WWP1: variants seen among roughly 807,000 people sequenced by gnomAD.
The protein encoded by WWP1 is WW domain containing E3 ubiquitin protein ligase 1.
A neutral mutation model predicts 130.6 loss-of-function variants in WWP1; 49 were observed. The ratio of observed to expected loss-of-function variants is 0.38; its 90% CI spans 0.30 to 0.48. The LOEUF is 0.48. Ranked by LOEUF, WWP1 falls within the 20% of genes least tolerant of loss-of-function variation. The pLI, the probability that WWP1 is intolerant of heterozygous loss-of-function variation, is 0.99. For synonymous variants in WWP1, 332 were observed against 367.8 expected, an observed-to-expected ratio of 0.90 and a Z score of 1.11; for missense variants, 809 against 1,100.6, an observed-to-expected ratio of 0.74 and a Z score of 3.75.
chr8:86,420,148 AG>A, intron 9 of WWP1, among the ~76,000 whole-genome samples: 1 of 152,314 alleles, frequency 6.6e-6, no homozygotes, highest in East Asian at 1.9e-4. Context: ...AGGGTCTGCT[AG>A]GAGAGGAGTG....
chr8:86,343,913 C>T (rs116014887), intron 1 of WWP1, among the ~76,000 whole-genome samples: 413 of 151,478 alleles, frequency 2.7e-3, no homozygotes, highest in African/African-American at 9.2e-3. Context: ...TCTTTGTTTT[C>T]CCCGTTTGGT....
intron 8 of WWP1, among the ~76,000 whole-genome samples, chr8:86,408,787 A>G (rs1028065557): frequency 1.3e-5 from 2 of 152,036 alleles, no homozygotes; most frequent in African/African-American, 4.8e-5. Flanking sequence ...ACGCATGCCT[A>G]TAATCCCTGC....
chr8:86,384,684 G>A (rs1327278591), intron 5 of WWP1, among the ~76,000 whole-genome samples: 2 of 152,086 alleles, frequency 1.3e-5, no homozygotes, highest in African/African-American at 2.4e-5. Context: ...AAATTTTGGG[G>A]TTATTGTATA....
chr8:86,396,458 G>GT (rs1180679615), intron 5 of WWP1, among the ~76,000 whole-genome samples: 1 of 150,904 alleles, frequency 6.6e-6, no homozygotes, highest in Non-Finnish European at 1.5e-5. Flanking sequence ...CTAGTTGTTT[G>GT]TTTTTTGTTT....
intron 21 of WWP1, among the ~76,000 whole-genome samples, chr8:86,453,174 C>T (rs1347015587): frequency 6.6e-6 from 1 of 152,094 alleles, no homozygotes; most frequent in Non-Finnish European, 1.5e-5. Flanking sequence ...AAAACTGAAA[C>T]TCTATGTCCA....
At chr8:86,418,680 C>T (rs1282423217) in intron 9 of WWP1, among the ~76,000 whole-genome samples, 2 of 152,220 alleles carry the variant, frequency 1.3e-5, no homozygotes, top group Non-Finnish European at 2.9e-5. Context: ...AACTTCTGCT[C>T]TGCCTAGGGG....
chr8:86,400,911 C>T (rs982697357), intron 7 of WWP1, among the ~76,000 whole-genome samples: 1 of 152,040 alleles, frequency 6.6e-6, no homozygotes, highest in African/African-American at 2.4e-5. Flanking sequence ...AAACAATGCT[C>T]AGGCTGCTCT....
intron 1 of WWP1, among the ~76,000 whole-genome samples, chr8:86,362,306 G>T (rs941932001): frequency 6.8e-6 from 1 of 147,934 alleles, no homozygotes; most frequent in Non-Finnish European, 1.5e-5. Flanking sequence ...ATACTAGAAA[G>T]ATTAAATTAG....
chr8:86,360,347 C>T (rs1823520497), intron 1 of WWP1, among the ~76,000 whole-genome samples: 1 of 152,174 alleles, frequency 6.6e-6, no homozygotes, highest in African/African-American at 2.4e-5. Context: ...AAACAATTTG[C>T]TCTTTTTACT....
At chr8:86,360,461 GT>G (rs1438310699) in intron 1 of WWP1, among the ~76,000 whole-genome samples, 2 of 152,120 alleles carry the variant, frequency 1.3e-5, no homozygotes, top group African/African-American at 4.8e-5. Context: ...CCTGCCTGCT[GT>G]CCAGACTGTT....
At chr8:86,418,336 G>T (rs950507356) in intron 9 of WWP1, among the ~76,000 whole-genome samples, 2 of 152,108 alleles carry the variant, frequency 1.3e-5, no homozygotes, top group South Asian at 4.1e-4. Context: ...GCGTTTCCTT[G>T]TGTATTATTT....
chr8:86,430,096 G>T (rs2130669081), intron 11 of WWP1, among the ~76,000 whole-genome samples: 1 of 152,178 alleles, frequency 6.6e-6, no homozygotes, highest in East Asian at 1.9e-4. Flanking sequence ...CTACTCGGTT[G>T]TTGCTGAGGT....
At chr8:86,415,063 T>C (rs559977405) in intron 9 of WWP1, among the ~76,000 whole-genome samples, 4 of 152,264 alleles carry the variant, frequency 2.6e-5, no homozygotes, top group South Asian at 2.1e-4. Flanking sequence ...GAGGCAGTTA[T>C]ATGTACAGTT....
At chr8:86,400,475 C>T (rs768606158) in intron 7 of WWP1, among the ~76,000 whole-genome samples, 4 of 151,926 alleles carry the variant, frequency 2.6e-5, no homozygotes, top group Non-Finnish European at 5.9e-5. Flanking sequence ...AAAAGAGATG[C>T]CAAGGAATCA....
At position 86,442,641 on chromosome 8, in the gene WWP1, C is replaced by T; in HGVS notation, c.1861C>T (p.His621Tyr). The T allele has an allele frequency of 6.2e-7, 1 of 1,600,216 alleles. No homozygotes were observed. Among genetic ancestry groups the T allele is most frequent in the Non-Finnish European group, 8.5e-7 (1 of 1,175,512 alleles). ...LAREWFFLLS[H>Y]EVLNPMYCLF... is the part of the protein sequence containing the mutation. ...TAGAGAATGGTTTTTCTTGCTTTCA[C>T]ATGAAGTTTTGAACCCAATGTATTG... The change falls in exon 18 of 25, where the codon CAT (histidine) becomes TAT (tyrosine). Residue 621 changes from histidine (H) to tyrosine (Y), a missense_variant. Transcript: ENST00000517970.
Position 86,398,446 on chromosome 8 carries a change from G to A in WWP1, c.439G>A (p.Glu147Lys), listed in dbSNP as rs549127870. 6.2e-7 allele frequency: 1 copy of A among 1,612,844 alleles called. No individual in the cohort carries two copies. The highest frequency in any genetic ancestry group is 1.7e-5 in the Admixed American group (1 of 59,974). Reference protein sequence around the residue: ...VVLDGLVIEQENITNCSSSPT... With the variant: ...VVLDGLVIEQKNITNCSSSPT... ...GCTTGATGGATTGGTGATTGAGCAAGAAAATATAACAAACTGCAGCTCATC... is the reference window on the plus strand; with the variant it reads ...GCTTGATGGATTGGTGATTGAGCAAAAAAATATAACAAACTGCAGCTCATC... The change falls in exon 6 of 25, where the codon GAA (glutamate) becomes AAA (lysine). Residue 147 changes from glutamate (E) to lysine (K), a missense_variant. Transcript: ENST00000517970.
chr8:86,354,022 T>C lies in WWP1; in HGVS notation c.-115+11092T>C, dbSNP rs570341660. ...GTGATTTAATTTTTCCATTAACGTATTGGCTATTTAGAGCTCGGGCCTTAA... is the reference window on the plus strand; with the variant it reads ...GTGATTTAATTTTTCCATTAACGTACTGGCTATTTAGAGCTCGGGCCTTAA... On this transcript the variant is annotated intron_variant, in intron 1 of 24. Transcript: ENST00000517970. Among the ~76,000 whole-genome samples the C allele has an allele frequency of 2.0e-5, 3 of 152,348 alleles. No individual in the cohort carries two copies. The South Asian group carries it at 6.2e-4, about 32-fold the overall frequency.
At chr8:86,407,118 T>C (rs535031924) in intron 8 of WWP1, among the ~76,000 whole-genome samples, 73 of 152,306 alleles carry the variant, frequency 4.8e-4, no homozygotes, top group Non-Finnish European at 7.9e-4. Flanking sequence ...TGTGGTCTTA[T>C]GTCTTGTGGA....
At chr8:86,402,757 A>T (rs1808063953) in intron 8 of WWP1, among the ~76,000 whole-genome samples, 1 of 152,252 alleles carries the variant, frequency 6.6e-6, no homozygotes. Flanking sequence ...TGAGAGCTAG[A>T]TTCTTAAGCT....
Sources: gnomAD v4.1 joint callset for allele counts (sites outside exome capture counted in the v4.1 genomes callset) on GRCh38, gnomAD v4.1.1 for gene constraint, MANE v1.5 for transcripts, NCBI Gene and HGNC (gene_info 2026-07-23, HGNC 2026-07-21) for gene names.